MACF1: variants seen among roughly 807,000 people sequenced by gnomAD.
The protein encoded by MACF1 is microtubule actin crosslinking factor 1.
In MACF1, 193 loss-of-function variants were observed where a neutral mutation model predicts 854.8. The observed-to-expected ratio is 0.23, with a 90% CI of 0.20 to 0.25. The LOEUF (loss-of-function observed/expected upper bound fraction) is 0.25, where lower values mean the gene tolerates loss of function less well. MACF1 is among the 10% of genes least tolerant of loss of function. The probability of loss-of-function intolerance (pLI) is 1.00; values close to 1 mark genes in which losing one functional copy is unlikely to be tolerated. For synonymous variants in MACF1, 3,185 were observed against 3,226.7 expected (o/e 0.99, Z 0.44); for missense variants, 7,722 against 8,929.1 (o/e 0.86, Z 5.45).
intron 41 of MACF1, 84 bp downstream of exon 41, chr1:39,347,294 A>G (rs1320549849): frequency 2.0e-6 from 2 of 1,024,678 alleles, no homozygotes; most frequent in African/African-American, 1.6e-5. Context: ...TCTGTGTATC[A>G]TGATTGCAGG....
chr1:39,441,899 C>A, intron 74 of MACF1, 53 bp from the exon 75 acceptor site: 1 of 1,319,346 alleles, frequency 7.6e-7, no homozygotes, highest in Non-Finnish European at 1.1e-6. Context: ...AATGCTAATT[C>A]TCTCCCAAAT....
chr1:39,109,426 T>C (rs1433168899), intron 2 of MACF1, among the ~76,000 whole-genome samples: 1 of 152,042 alleles, frequency 6.6e-6, no homozygotes, highest in Non-Finnish European at 1.5e-5. Context: ...CACGCCACCA[T>C]GCCTGGCTAA....
chr1:39,382,458 A>C (rs1650309686), intron 56 of MACF1, among the ~76,000 whole-genome samples: 1 of 151,688 alleles, frequency 6.6e-6, no homozygotes, highest in Non-Finnish European at 1.5e-5. Context: ...TAATCCCAGC[A>C]CTTTGGGAGG....
At chr1:39,102,368 A>G (rs887600953) in intron 2 of MACF1, among the ~76,000 whole-genome samples, 14 of 150,606 alleles carry the variant, frequency 9.3e-5, no homozygotes, top group Non-Finnish European at 1.8e-4. Flanking sequence ...GATGAGAGAC[A>G]CTGTACCATA....
intron 2 of MACF1, among the ~76,000 whole-genome samples, chr1:39,106,535 T>G (rs1557457110): frequency 6.6e-6 from 1 of 152,208 alleles, no homozygotes; most frequent in African/African-American, 2.4e-5. Flanking sequence ...GGCCCTTGCC[T>G]TGATCTTTAA....
At chr1:39,225,942 A>T (rs1471012604) in intron 1 of MACF1, among the ~76,000 whole-genome samples, 1 of 152,196 alleles carries the variant, frequency 6.6e-6, no homozygotes, top group East Asian at 1.9e-4. Context: ...TGCTTCTTGG[A>T]TTTCCTTGCT....
chr1:39,420,305 T>A (rs2171979), intron 58 of MACF1, among the ~76,000 whole-genome samples: 31,723 of 152,110 alleles, frequency 0.21, 3,910 homozygotes, highest in Non-Finnish European at 0.27. Context: ...TGCCTTTTCA[T>A]TCCTTCACCT....
chr1:39,441,427 C>A, intron 74 of MACF1, 102 bp downstream of exon 74: 1 of 881,190 alleles, frequency 1.1e-6, no homozygotes, highest in Non-Finnish European at 1.8e-6. Flanking sequence ...CTTCACAGGA[C>A]TGCAGACCTA....
At chr1:39,471,026 A>G (rs1644766893) in intron 97 of MACF1, among the ~76,000 whole-genome samples, 1 of 152,212 alleles carries the variant, frequency 6.6e-6, no homozygotes, top group Non-Finnish European at 1.5e-5. Flanking sequence ...TATGAAAGCT[A>G]GTAACCTTTT....
At chr1:39,162,330 A>C (rs1248502595) in intron 2 of MACF1, among the ~76,000 whole-genome samples, 4 of 152,162 alleles carry the variant, frequency 2.6e-5, no homozygotes, top group African/African-American at 9.7e-5. Flanking sequence ...AGATAGATTA[A>C]AAACAAAAAA....
intron 89 of MACF1, among the ~76,000 whole-genome samples, chr1:39,455,803 A>T (rs1644424352): frequency 6.6e-6 from 1 of 152,224 alleles, no homozygotes; most frequent in African/African-American, 2.4e-5. Flanking sequence ...GAATGGAGGA[A>T]AGCTCAGGTG....
chr1:39,158,759 C>T lies in MACF1; in HGVS notation c.221-72423C>T, dbSNP rs114389463. 4.1e-3 allele frequency among the ~76,000 whole-genome samples: 622 copies of T among 152,248 alleles called. 1 individual carries two copies. Among genetic ancestry groups the T allele is most frequent in the Non-Finnish European group, 7.2e-3 (492 of 68,024 alleles). ...CTGGCCTCTCCTGGGGAGGTATTTC[C>T]GCTCACTGGAACAAATGAGGGCGCT... On this transcript the variant is annotated intron_variant, in intron 2 of 93. Coordinates refer to the MACF1 transcript ENST00000361689.
chr1:39,284,522 C>T, intron 11 of MACF1, 94 bp downstream of exon 11: 2 of 742,160 alleles, frequency 2.7e-6, no homozygotes, highest in Non-Finnish European at 4.2e-6. Flanking sequence ...TTTTCCCAAA[C>T]TGCATTAATA....
At chr1:39,452,847 ACCTACCACCTTGAGGGCTG>A (rs1644364517) in intron 87 of MACF1, 35 bp downstream of exon 87, 2 of 1,606,216 alleles carry the variant, frequency 1.2e-6, no homozygotes, top group Non-Finnish European at 1.7e-6. Context: ...ACCTCATGCT[ACCTACCACCTTGAGGGCTG>A]CCTACCACTA....
In MACF1 at chr1:39,285,164, A is replaced by G. The variant is rs1372330120; in HGVS notation, c.1213A>G (p.Ile405Val). 3.7e-6 allele frequency: 6 copies of G among 1,614,122 alleles called. No individual in the cohort carries two copies. Among genetic ancestry groups the G allele is most frequent in the Middle Eastern group, 1.6e-4 (1 of 6,084 alleles). ...GGAAGAAGAGTGGGGAAAGCTCATC[A>G]TAGAGATGCTGGAACGAGAGAAATC... ...DVEEEWGKLI[I>V]EMLEREKSLR... The change falls in exon 12 of 101, where the codon ATA (isoleucine) becomes GTA (valine). Residue 405 changes from isoleucine (I) to valine (V), a missense_variant. Around this residue, in one of 15 missense-constraint regions of MACF1, gnomAD observed 1,137 missense variants for 1,263.0 expected, o/e 0.90. Coordinates refer to ENST00000564288, the MANE Select transcript of MACF1 (RefSeq NM_001394062.1).
chr1:39,122,549 G>A (rs1383926867), intron 2 of MACF1, among the ~76,000 whole-genome samples: 9 of 152,104 alleles, frequency 5.9e-5, no homozygotes, highest in Non-Finnish European at 1.3e-4. Context: ...CACTGTGCTC[G>A]GCTGGTAGTA....
intron 6 of MACF1, among the ~76,000 whole-genome samples, chr1:39,262,717 T>C (rs1047676048): frequency 3.9e-5 from 6 of 152,220 alleles, no homozygotes; most frequent in African/African-American, 1.2e-4. Flanking sequence ...TTTGGCCTAG[T>C]CTGTCTTCTG....
chr1:39,218,370 A>T lies in MACF1; in HGVS notation c.110-12812A>T, dbSNP rs112559222. 3.1e-3 allele frequency among the ~76,000 whole-genome samples: 472 copies of T among 152,312 alleles called. 3 individuals are homozygous for T. Among genetic ancestry groups the T allele is most frequent in the Middle Eastern group, 6.8e-3 (2 of 294 alleles). On this transcript the variant is annotated intron_variant, in intron 1 of 100. Coordinates refer to ENST00000564288, the MANE Select transcript of MACF1 (RefSeq NM_001394062.1). ...TGAAACTCAGGCTCAAAGAAGGGAAATGAATGTCATGCAAAGGTATGAACC... is the reference window on the plus strand; with the variant it reads ...TGAAACTCAGGCTCAAAGAAGGGAATTGAATGTCATGCAAAGGTATGAACC...
rs1557675079 is a variant in MACF1, at chr1:39,477,084, T to TATACATACACACAC, written c.21959-2711_21959-2710insCATACACACACATA. 1.4e-3 allele frequency among the ~76,000 whole-genome samples: 18 copies of TATACATACACACAC among 12,790 alleles called. 1 individual carries two copies. Among genetic ancestry groups the TATACATACACACAC allele is most frequent in the African/African-American group, 5.0e-3 (18 of 3,590 alleles). 8.4% of individuals were successfully genotyped at this position (12,790 alleles called of 152,430 possible). A position where few individuals can be genotyped will look rare whatever the true frequency, so the allele number is the denominator to read the frequency against. On this transcript the variant is annotated intron_variant, in intron 97 of 100. Transcript: ENST00000564288. The stretch of plus-strand genomic sequence containing the variant: ...ATATATATATATATATATATATATA[T>TATACATACACACAC]ATATATACACACACACACATATATA...
Sources: gnomAD v4.1 joint callset for allele counts (sites outside exome capture counted in the v4.1 genomes callset) on GRCh38, gnomAD v4.1.1 for gene constraint, gnomAD v4.1.1 regional missense constraint, MANE v1.5 for transcripts, NCBI Gene and HGNC (gene_info 2026-07-23, HGNC 2026-07-21) for gene names.